Variants in IL1RAPL2 observed in about 807,000 individuals in gnomAD.
IL1RAPL2 encodes the protein interleukin 1 receptor accessory protein like 2, also known as X-linked interleukin-1 receptor accessory protein-like 2.
In IL1RAPL2, 3 loss-of-function variants were observed where a neutral mutation model predicts 44.1. The ratio of observed to expected loss-of-function variants is 0.07; its 90% CI spans 0.03 to 0.18. The LOEUF is 0.18. Among genes scored for constraint, IL1RAPL2 ranks in the 10% least tolerant of loss-of-function variants. The pLI, the probability that IL1RAPL2 is intolerant of heterozygous loss-of-function variation, is 1.00. For missense variants in IL1RAPL2, 391 were observed against 496.4 expected (o/e 0.79, Z 2.02); for synonymous variants, 181 against 178.8 (o/e 1.01, Z -0.10).
intron 2 of IL1RAPL2, among the ~76,000 whole-genome samples, chrX:105,039,845 CT>C (rs2031693390): frequency 9.0e-6 from 1 of 111,178 alleles, no homozygotes; most frequent in South Asian, 3.8e-4. Flanking sequence ...ATTTGACTTC[CT>C]TTTTTCCTAA....
chrX:105,135,379 G>A (rs770540594), intron 2 of IL1RAPL2, among the ~76,000 whole-genome samples: 1 of 111,572 alleles, frequency 9.0e-6, no homozygotes, highest in African/African-American at 3.3e-5. Context: ...ATCAAAATTA[G>A]TTGGCTGTTT....
chrX:104,954,322 A>G (rs1429655565), intron 2 of IL1RAPL2, among the ~76,000 whole-genome samples: 1 of 111,868 alleles, frequency 8.9e-6, no homozygotes, highest in Non-Finnish European at 1.9e-5. Context: ...TCATTACCTA[A>G]AAAACCATAG....
intron 2 of IL1RAPL2, among the ~76,000 whole-genome samples, chrX:104,686,480 A>G (rs748473636): frequency 8.9e-6 from 1 of 111,826 alleles, no homozygotes; most frequent in Non-Finnish European, 1.9e-5. Flanking sequence ...TCTAAGAGGG[A>G]CTAGAAATTT....
At chrX:104,656,605 G>A (rs191049671) in intron 1 of IL1RAPL2, among the ~76,000 whole-genome samples, 9 of 111,317 alleles carry the variant, frequency 8.1e-5, no homozygotes, top group Admixed American at 3.8e-4. Context: ...CTATGTGGTC[G>A]GTTTTGGAAT....
intron 2 of IL1RAPL2, among the ~76,000 whole-genome samples, chrX:104,853,338 T>C (rs1922274629): frequency 9.0e-6 from 1 of 111,532 alleles, no homozygotes; most frequent in South Asian, 3.8e-4. Flanking sequence ...ATGGACAACT[T>C]TGGGCTAGGA....
chrX:104,794,256 G>C (rs1932839037), intron 2 of IL1RAPL2, among the ~76,000 whole-genome samples: 1 of 112,028 alleles, frequency 8.9e-6, no homozygotes, highest in Admixed American at 9.5e-5. Context: ...AACGCACTAT[G>C]ATACAGACAT....
intron 5 of IL1RAPL2, among the ~76,000 whole-genome samples, chrX:105,387,787 C>T (rs1375424167): frequency 1.8e-5 from 2 of 110,678 alleles, no homozygotes; most frequent in South Asian, 3.9e-4. Flanking sequence ...CCTTCAGCTT[C>T]TAAAGAATTT....
intron 2 of IL1RAPL2, among the ~76,000 whole-genome samples, chrX:104,981,055 TTGTGTGTGTG>T (rs199571900): frequency 2.2e-4 from 21 of 97,391 alleles, no homozygotes; most frequent in Admixed American, 8.9e-4. Context: ...TTCCAAGGTA[TTGTGTGTGTG>T]TGTGTGTGTG....
At chrX:104,948,429 C>T (rs1326199240) in intron 2 of IL1RAPL2, among the ~76,000 whole-genome samples, 1 of 97,620 alleles carries the variant, frequency 1.0e-5, no homozygotes, top group Admixed American at 1.2e-4. Flanking sequence ...TGCCTAATTG[C>T]CCTGGCCAGA....
At chrX:105,525,018 A>T (rs906859568) in intron 6 of IL1RAPL2, among the ~76,000 whole-genome samples, 1 of 111,778 alleles carries the variant, frequency 8.9e-6, no homozygotes, top group Non-Finnish European at 1.9e-5. Flanking sequence ...TTTTTTCCAA[A>T]TAAACATTCT....
intron 5 of IL1RAPL2, among the ~76,000 whole-genome samples, chrX:105,361,705 C>T (rs2035249102): frequency 1.8e-5 from 2 of 111,411 alleles, no homozygotes; most frequent in Admixed American, 9.6e-5. Flanking sequence ...TTCCTTAGTT[C>T]TCAAGGGAAG....
rs143982199 is a variant in IL1RAPL2, at chrX:105,189,997, A to G, written c.83-5478A>G. 1.2e-3 allele frequency among the ~76,000 whole-genome samples: 131 copies of G among 112,133 alleles called. No homozygotes were observed. The East Asian group carries it at 0.02, about 17-fold the overall frequency. ...TTAGAGTCTGAATTCTGCCACTACA[A>G]CTTGAGTGACCTTGAGCAAGTCACT... On this transcript the variant is annotated intron_variant, in intron 2 of 10. Transcript: ENST00000372582.
At chrX:105,133,491 T>G (rs2033048073) in intron 2 of IL1RAPL2, among the ~76,000 whole-genome samples, 1 of 111,944 alleles carries the variant, frequency 8.9e-6, no homozygotes, top group South Asian at 3.7e-4. Flanking sequence ...ATCTGATGTG[T>G]GTGTGTGCAC....
chrX:105,365,951 C>CTT (rs201975389), intron 5 of IL1RAPL2, among the ~76,000 whole-genome samples: 1 of 97,597 alleles, frequency 1.0e-5, no homozygotes, highest in Non-Finnish European at 2.1e-5. Flanking sequence ...TAATTTCTTT[C>CTT]TTTTTTTTTT....
chrX:105,665,802 G>A (rs1361879187), intron 6 of IL1RAPL2, among the ~76,000 whole-genome samples: 5 of 99,309 alleles, frequency 5.0e-5, no homozygotes, highest in African/African-American at 7.8e-5. Context: ...TCGCTCTGTC[G>A]CCCAGGCTGG....
chrX:104,973,759 A>G (rs2030280969), intron 2 of IL1RAPL2, among the ~76,000 whole-genome samples: 1 of 111,829 alleles, frequency 8.9e-6, no homozygotes, highest in Admixed American at 9.5e-5. Flanking sequence ...TACACAGATC[A>G]TCTATAACAT....
chrX:104,831,810 T>A (rs1921614839), intron 2 of IL1RAPL2, among the ~76,000 whole-genome samples: 1 of 111,410 alleles, frequency 9.0e-6, no homozygotes, highest in South Asian at 3.7e-4. Context: ...TCTTCATGTA[T>A]CATCTAATTA....
At chrX:105,219,312 G>T (rs1556173901) in intron 3 of IL1RAPL2, 1 of 1,211,337 alleles carries the variant, frequency 8.3e-7, no homozygotes, top group Non-Finnish European at 1.1e-6. Flanking sequence ...CAGGGAGCTG[G>T]ACAGGAAGAG....
chrX:104,707,681 C>T (rs1014789164), intron 2 of IL1RAPL2, among the ~76,000 whole-genome samples: 4 of 111,420 alleles, frequency 3.6e-5, no homozygotes, highest in African/African-American at 1.3e-4. Flanking sequence ...TTCTAGTGAG[C>T]TAATGATATA....
Sources: gnomAD v4.1 joint callset for allele counts (sites outside exome capture counted in the v4.1 genomes callset) on GRCh38, gnomAD v4.1.1 for gene constraint, MANE v1.5 for transcripts, NCBI Gene and HGNC (gene_info 2026-07-23, HGNC 2026-07-21) for gene names.